ROBO2: variants seen among roughly 807,000 people sequenced by gnomAD.
The protein encoded by ROBO2 is roundabout guidance receptor 2.
ROBO2 carries 53 observed loss-of-function variants against 160.8 expected under a neutral mutation model. The ratio of observed to expected loss-of-function variants is 0.33; its 90% CI spans 0.26 to 0.41. The LOEUF (loss-of-function observed/expected upper bound fraction) is 0.41, where lower values mean the gene tolerates loss of function less well. Among genes scored for constraint, ROBO2 ranks in the 10% least tolerant of loss-of-function variants. ROBO2 has a pLI of 1.00. For synonymous variants in ROBO2, 664 were observed against 611.7 expected (o/e 1.09, Z -1.26); for missense variants, 1,577 against 1,722.4 (o/e 0.92, Z 1.49).
chr3:76,682,348 C>T lies in ROBO2; in HGVS notation c.110-415666C>T, dbSNP rs192933697. Among the ~76,000 whole-genome samples, 7 of 152,122 alleles carry T rather than the reference C, an allele frequency of 4.6e-5. No individual in the cohort carries two copies. In the East Asian group the frequency reaches 9.7e-4, roughly 21 times the overall value. On this transcript the variant is annotated intron_variant, in intron 2 of 26. Coordinates refer to the ROBO2 transcript ENST00000487694. ...GTACATATTGGTGTGGAAGATAATT[C>T]GTGGAAAGTCTATACTTTCCACTAA...
At chr3:76,288,352 A>C (rs1188082266) in intron 2 of ROBO2, among the ~76,000 whole-genome samples, 3 of 152,166 alleles carry the variant, frequency 2.0e-5, no homozygotes, top group Non-Finnish European at 4.4e-5. Context: ...TTTTTAATTA[A>C]AATATGGGTT....
intron 2 of ROBO2, among the ~76,000 whole-genome samples, chr3:76,784,014 C>T (rs1208997831): frequency 6.6e-6 from 1 of 150,750 alleles, no homozygotes; most frequent in Non-Finnish European, 1.5e-5. Context: ...TTGTAGCTCT[C>T]TTTTGAATTT....
chr3:76,834,159 C>T lies in ROBO2; in HGVS notation c.110-263855C>T, dbSNP rs1166944. Among the ~76,000 whole-genome samples, 579 of 113,074 alleles carry T rather than the reference C, an allele frequency of 5.1e-3. 19 individuals carry two copies. The highest frequency in any genetic ancestry group is 0.018 in the African/African-American group (547 of 30,056). 74.2% of individuals were successfully genotyped at this position (113,074 alleles called of 152,430 possible). ...CTTTCCTTCCTTCCTTTCTTTCTCT[C>T]TCTTTCTTTCTTTCTCTCTCTCTCT... On this transcript the variant is annotated intron_variant, in intron 2 of 26. Transcript: ENST00000487694.
At chr3:77,313,709 C>T (rs748076710) in intron 2 of ROBO2, among the ~76,000 whole-genome samples, 7 of 152,054 alleles carry the variant, frequency 4.6e-5, no homozygotes, top group Non-Finnish European at 5.9e-5. Context: ...CTCAACCTCC[C>T]GAGTAGTTAG....
intron 2 of ROBO2, among the ~76,000 whole-genome samples, chr3:77,203,383 T>A (rs559424578): frequency 6.6e-6 from 1 of 152,196 alleles, no homozygotes; most frequent in African/African-American, 2.4e-5. Flanking sequence ...AATTTGCAAA[T>A]AATCTTAGGT....
Position 76,990,626 on chromosome 3 carries a change from A to G in ROBO2, c.110-107388A>G, listed in dbSNP as rs1265574256. ...CAAGAATGTTAGGGACCATCAGGTG[A>G]TGGTCATGCAGTTGTTAACTATCTC... On this transcript the variant is annotated intron_variant, in intron 2 of 26. Transcript: ENST00000487694. Among the ~76,000 whole-genome samples, 3 of 152,238 alleles carry G rather than the reference A, an allele frequency of 2.0e-5. No homozygotes were observed. The East Asian group carries it at 5.8e-4, about 29-fold the overall frequency.
chr3:76,296,674 A>G (rs1349169189), intron 2 of ROBO2, among the ~76,000 whole-genome samples: 1 of 152,194 alleles, frequency 6.6e-6, no homozygotes, highest in Non-Finnish European at 1.5e-5. Context: ...GCATTATGTC[A>G]GTATTTCTTG....
chr3:77,133,849 C>G (rs577397637), intron 2 of ROBO2, among the ~76,000 whole-genome samples: 17 of 151,990 alleles, frequency 1.1e-4, no homozygotes, highest in Non-Finnish European at 2.4e-4. Context: ...CTATTTTATT[C>G]AGAAGGAAAT....
At position 76,660,117 on chromosome 3, in the gene ROBO2, G is replaced by A. The variant is rs539216245; in HGVS notation, c.110-437897G>A. 5.6e-3 allele frequency among the ~76,000 whole-genome samples: 768 copies of A among 138,270 alleles called. 6 individuals are homozygous for A. The highest frequency in any genetic ancestry group is 0.017 in the African/African-American group (694 of 39,774). The allele number at this position is 138,270 out of a possible 152,430, so 90.7% of individuals were successfully genotyped here. A position where few individuals can be genotyped will look rare whatever the true frequency, so the allele number is the denominator to read the frequency against. On this transcript the variant is annotated intron_variant, in intron 2 of 26. Transcript: ENST00000487694. ...TCATTCATAACAAAGTTTTATGGCC[G>A]TTAGACAGAGTAATTTTATGCTTGT... is the stretch of plus-strand genomic sequence containing the variant.
Position 77,379,105 on chromosome 3 carries a change from G to A in ROBO2, c.389-98309G>A, listed in dbSNP as rs371251878. Among the ~76,000 whole-genome samples, 7 of 152,066 alleles carry A rather than the reference G, an allele frequency of 4.6e-5. No homozygotes were observed. In the South Asian group the frequency reaches 1.2e-3, roughly 27 times the overall value. ...TGGGATTACAGGCACATGCCACCAC[G>A]CCCAGCTAAGTTTTGTATTTTTAGT... On this transcript the variant is annotated intron_variant, in intron 2 of 25. Transcript: ENST00000461745.
At chr3:76,609,484 A>G (rs1303612802) in intron 2 of ROBO2, among the ~76,000 whole-genome samples, 2 of 151,868 alleles carry the variant, frequency 1.3e-5, no homozygotes, top group Admixed American at 6.6e-5. Flanking sequence ...TGCCATTATT[A>G]TAAATGGAAT....
intron 15 of ROBO2, among the ~76,000 whole-genome samples, chr3:77,578,903 C>T (rs1191199401): frequency 2.0e-5 from 3 of 151,566 alleles, no homozygotes; most frequent in Non-Finnish European, 4.4e-5. Context: ...AATTTTTTTT[C>T]CATAAGTTGT....
Position 77,173,831 on chromosome 3 carries a change from A to G in ROBO2, c.388+75491A>G, listed in dbSNP as rs143656166. ...ATAAAAAACAATATTATTTCTCCTAATTCTCATGAGGTTAGAAACTACAAC... is the reference window on the plus strand; with the variant it reads ...ATAAAAAACAATATTATTTCTCCTAGTTCTCATGAGGTTAGAAACTACAAC... On this transcript the variant is annotated intron_variant, in intron 2 of 25. Coordinates refer to ENST00000461745, the Ensembl canonical transcript of ROBO2. 7.4e-4 allele frequency among the ~76,000 whole-genome samples: 112 copies of G among 152,156 alleles called. No homozygotes were observed. In the East Asian group the frequency reaches 0.015, roughly 21 times the overall value.
At chr3:77,578,493 T>C (rs78449057) in intron 15 of ROBO2, among the ~76,000 whole-genome samples, 17,268 of 152,106 alleles carry the variant, frequency 0.11, 1,095 homozygotes, top group Admixed American at 0.15. Context: ...GTATTTAATA[T>C]TAAGCTGAAT....
At position 77,567,652 on chromosome 3, in the gene ROBO2, G is replaced by A. The variant is rs1005069667; in HGVS notation, c.1850-661G>A. Among the ~76,000 whole-genome samples the A allele has an allele frequency of 3.3e-5, 5 of 151,986 alleles. No individual in the cohort carries two copies. In the East Asian group the frequency reaches 9.7e-4, roughly 29 times the overall value. On this transcript the variant is annotated intron_variant, in intron 12 of 25. Coordinates refer to ENST00000461745, the Ensembl canonical transcript of ROBO2. ...ACCTCGTGTCAGGTATTAGAGTACT[G>A]CTCAAAATGTATTACTTTAGAACAT... is the stretch of plus-strand genomic sequence containing the variant.
At chr3:77,323,549 A>G (rs897419311) in intron 2 of ROBO2, among the ~76,000 whole-genome samples, 4 of 152,200 alleles carry the variant, frequency 2.6e-5, no homozygotes, top group African/African-American at 9.6e-5. Flanking sequence ...TGAGTTTGTC[A>G]TCATTTAATC....
chr3:76,256,299 G>GTCTCTCTC (rs372215718), intron 2 of ROBO2, among the ~76,000 whole-genome samples: 275 of 92,536 alleles, frequency 3.0e-3, no homozygotes, highest in South Asian at 4.7e-3. Context: ...GACAGAGTGA[G>GTCTCTCTC]TCTCTCTCTC....
At chr3:76,457,342 C>G (rs2077818985) in intron 2 of ROBO2, among the ~76,000 whole-genome samples, 1 of 152,190 alleles carries the variant, frequency 6.6e-6, no homozygotes, top group African/African-American at 2.4e-5. Context: ...AGTCCGAAAT[C>G]CAGCGGTGCA....
intron 2 of ROBO2, among the ~76,000 whole-genome samples, chr3:76,031,032 T>C (rs1205874491): frequency 6.6e-6 from 1 of 152,188 alleles, no homozygotes; most frequent in African/African-American, 2.4e-5. Context: ...TTGTGTCCTC[T>C]TTTATTTCGT....
Sources: allele counts gnomAD v4.1 joint callset (sites outside exome capture counted in the v4.1 genomes callset), GRCh38; gene constraint gnomAD v4.1.1; transcripts MANE v1.5; gene names NCBI Gene and HGNC (gene_info 2026-07-23, HGNC 2026-07-21).